Variants in WDR7 observed in about 807,000 individuals in gnomAD.
WDR7 encodes the protein WD repeat domain 7.
Under a neutral mutation model 169.4 loss-of-function variants are expected in WDR7, and 46 were observed. That is an observed-to-expected ratio of 0.27 (90% CI 0.21 to 0.35). The LOEUF is 0.35. Among genes scored for constraint, WDR7 ranks in the 10% least tolerant of loss-of-function variants. WDR7 has a pLI of 1.00. For synonymous variants in WDR7, 612 were observed against 666.8 expected (o/e 0.92, Z 1.27); for missense variants, 1,534 against 1,859.3 (o/e 0.83, Z 3.22).
chr18:56,757,377 A>T (rs1568178110), intron 15 of WDR7, 25 bp downstream of exon 15: 1 of 1,512,796 alleles, frequency 6.6e-7, no homozygotes, highest in Admixed American at 2.2e-5. Flanking sequence ...GTTTGATTTT[A>T]TTCTTAAGTT....
intron 3 of WDR7, 37 bp downstream of exon 3, chr18:56,679,475 T>A (rs1285665813): frequency 1.7e-5 from 25 of 1,510,230 alleles, no homozygotes; most frequent in Non-Finnish European, 2.2e-5. Context: ...TTCTCATGAG[T>A]CTTTATAACT....
At chr18:57,010,418 T>C in intron 26 of WDR7, 2 of 404,618 alleles carry the variant, frequency 4.9e-6, no homozygotes, top group Non-Finnish European at 6.7e-6. Flanking sequence ...TAAGTATGGC[T>C]GTGTAATTAT....
At chr18:56,872,342 TCTGA>T (rs2045964453) in intron 20 of WDR7, among the ~76,000 whole-genome samples, 1 of 152,178 alleles carries the variant, frequency 6.6e-6, no homozygotes, top group Non-Finnish European at 1.5e-5. Context: ...GGTTGCACTC[TCTGA>T]CTGCTTTTTA....
rs117088493 is a variant in WDR7, at chr18:56,784,054, G to A, written c.3190+2398G>A. ...AGGCTTTGCTAAGTATCTGGTCTAC[G>A]TTATTTCATTTAACCATTACAATAA... is the stretch of plus-strand genomic sequence containing the variant. On this transcript the variant is annotated intron_variant, in intron 19 of 27. Transcript: ENST00000254442. 8.2e-4 allele frequency among the ~76,000 whole-genome samples: 125 copies of A among 152,218 alleles called. 3 individuals are homozygous for A. In the East Asian group the frequency reaches 0.022, roughly 27 times the overall value.
chr18:56,784,666 C>T (rs557189128), intron 19 of WDR7, among the ~76,000 whole-genome samples: 2 of 152,250 alleles, frequency 1.3e-5, no homozygotes, highest in Admixed American at 6.5e-5. Context: ...TTACAGTTAA[C>T]GACAACAAAA....
intron 13 of WDR7, among the ~76,000 whole-genome samples, chr18:56,719,088 T>A (rs1447102203): frequency 2.0e-5 from 3 of 152,208 alleles, no homozygotes; most frequent in Non-Finnish European, 4.4e-5. Flanking sequence ...CTTCCTTGCT[T>A]TTGCATGTAA....
intron 12 of WDR7, among the ~76,000 whole-genome samples, chr18:56,717,246 A>G (rs894451853): frequency 6.6e-6 from 1 of 152,178 alleles, no homozygotes; most frequent in African/African-American, 2.4e-5. Flanking sequence ...TTTTTAGGTC[A>G]TGGGTTCAGT....
At position 56,839,848 on chromosome 18, in the gene WDR7, G is replaced by A. The variant is rs146777972; in HGVS notation, c.3304+23704G>A. On this transcript the variant is annotated intron_variant, in intron 20 of 27. Coordinates refer to ENST00000254442, the MANE Select transcript of WDR7 (RefSeq NM_015285.3). Reference sequence around the variant, plus strand: ...AAGGCTGAGGCAGTCAGGTCACGCCGTCAGGTGTTAGAGACCAGCCTGGCC... The same window carrying A: ...AAGGCTGAGGCAGTCAGGTCACGCCATCAGGTGTTAGAGACCAGCCTGGCC... Among the ~76,000 whole-genome samples, 58 of 152,248 alleles carry A rather than the reference G, an allele frequency of 3.8e-4. No individual in the cohort carries two copies. In the South Asian group the frequency reaches 5.2e-3, roughly 14 times the overall value.
intron 21 of WDR7, among the ~76,000 whole-genome samples, chr18:56,913,744 G>A (rs1163753795): frequency 6.6e-6 from 1 of 151,964 alleles, no homozygotes; most frequent in Non-Finnish European, 1.5e-5. Context: ...GCAGTGAACT[G>A]TGATCACACC....
At chr18:56,817,740 C>A (rs12958480) in intron 20 of WDR7, among the ~76,000 whole-genome samples, 127,312 of 151,490 alleles carry the variant, frequency 0.84, 53,593 homozygotes, top group East Asian at 0.98. Flanking sequence ...AATCTATTTT[C>A]TTTGCAGATT....
At chr18:56,868,464 A>C (rs533317427) in intron 20 of WDR7, among the ~76,000 whole-genome samples, 1 of 152,058 alleles carries the variant, frequency 6.6e-6, no homozygotes, top group Admixed American at 6.6e-5. Context: ...CCTTAGGTTT[A>C]TTTATTTCTT....
intron 12 of WDR7, among the ~76,000 whole-genome samples, chr18:56,706,451 G>T (rs557864512): frequency 1.1e-4 from 17 of 152,276 alleles, no homozygotes; most frequent in Non-Finnish European, 2.2e-4. Flanking sequence ...ATCTTGGAGT[G>T]GCATTAGCAG....
chr18:56,699,704 T>C (rs1225155120), intron 12 of WDR7: 3 of 378,790 alleles, frequency 7.9e-6, no homozygotes, highest in African/African-American at 4.4e-5. Context: ...CCTCTCTTTA[T>C]AGTCACACTT....
intron 19 of WDR7, among the ~76,000 whole-genome samples, chr18:56,790,949 A>C (rs1472598689): frequency 6.6e-6 from 1 of 152,146 alleles, no homozygotes; most frequent in African/African-American, 2.4e-5. Flanking sequence ...ATGCCAACCC[A>C]GTCATCTGTA....
At chr18:56,864,227 C>T (rs901778140) in intron 20 of WDR7, among the ~76,000 whole-genome samples, 5 of 151,432 alleles carry the variant, frequency 3.3e-5, no homozygotes, top group Non-Finnish European at 7.4e-5. Flanking sequence ...TTTAAAAAAC[C>T]TAATAGCTAA....
At chr18:56,897,736 A>T (rs1009992793) in intron 21 of WDR7, among the ~76,000 whole-genome samples, 2 of 152,022 alleles carry the variant, frequency 1.3e-5, no homozygotes, top group East Asian at 3.8e-4. Flanking sequence ...AAATATTATG[A>T]TTCAAGTATC....
rs188652291 is a variant in WDR7 at position 56,737,759 on chromosome 18, A to G, written c.1989+6162A>G. On this transcript the variant is annotated intron_variant, in intron 14 of 27. Coordinates refer to ENST00000254442, the MANE Select transcript of WDR7 (RefSeq NM_015285.3). ...GAATAGACTTTATGATTCACTGTGA[A>G]AAGGGCACTGTAAGGTACAGACAGG... Among the ~76,000 whole-genome samples the G allele has an allele frequency of 6.9e-4, 105 of 152,300 alleles. 1 individual carries two copies. Among genetic ancestry groups the G allele is most frequent in the African/African-American group, 2.5e-3 (102 of 41,570 alleles).
chr18:56,779,528 A>G lies in WDR7; in HGVS notation c.3045A>G (p.Arg1015=). 6.2e-7 allele frequency: 1 copy of G among 1,613,888 alleles called. No homozygotes were observed. Among genetic ancestry groups the G allele is most frequent in the South Asian group, 1.1e-5 (1 of 91,036 alleles). The part of the protein sequence containing the change: ...RPPLLEMLAR[R]WQDRCLEVRE... ...CCCTTCTGGAGATGCTGGCCCGAAG[A>G]TGGCAAGATCGATGCTTGGAGGTAA... Residue 1015 remains arginine, a synonymous_variant, in exon 18 of 28, where the codon AGA becomes AGG. Transcript: ENST00000254442.
At chr18:56,998,726 G>C (rs527674121) in intron 26 of WDR7, among the ~76,000 whole-genome samples, 2 of 152,260 alleles carry the variant, frequency 1.3e-5, no homozygotes, top group East Asian at 3.9e-4. Context: ...GTACTAAATT[G>C]TGTACATAGA....
Sources: allele counts gnomAD v4.1 joint callset (sites outside exome capture counted in the v4.1 genomes callset), GRCh38; gene constraint gnomAD v4.1.1; transcripts MANE v1.5; gene names NCBI Gene and HGNC (gene_info 2026-07-23, HGNC 2026-07-21).